GRM7: variants seen among roughly 807,000 people sequenced by gnomAD.
GRM7 encodes the protein metabotropic glutamate receptor 7.
GRM7 carries 35 observed loss-of-function variants against 84.5 expected under a neutral mutation model. The observed-to-expected ratio is 0.41, with a 90% CI of 0.32 to 0.55. The LOEUF (loss-of-function observed/expected upper bound fraction) is 0.55. Ranked by LOEUF, GRM7 falls within the 20% of genes least tolerant of loss-of-function variation. The pLI, the probability that GRM7 is intolerant of heterozygous loss-of-function variation, is 0.19. For missense variants in GRM7, 1,003 were observed against 1,194.6 expected (o/e 0.84, Z 2.36); for synonymous variants, 487 against 455.1 (o/e 1.07, Z -0.89).
chr3:7,438,861 A>G (rs1697167467), intron 5 of GRM7, among the ~76,000 whole-genome samples: 1 of 152,108 alleles, frequency 6.6e-6, no homozygotes, highest in Non-Finnish European at 1.5e-5. Context: ...GCTGCCACAT[A>G]TTTATGTGAG....
intron 4 of GRM7, among the ~76,000 whole-genome samples, chr3:7,328,786 C>T (rs1015663169): frequency 1.5e-5 from 2 of 135,018 alleles, no homozygotes; most frequent in Non-Finnish European, 3.2e-5. Context: ...ACTATAAACC[C>T]CTCACAGGTG....
At chr3:7,333,235 C>A (rs1371190559) in intron 4 of GRM7, among the ~76,000 whole-genome samples, 1 of 152,188 alleles carries the variant, frequency 6.6e-6, no homozygotes, top group African/African-American at 2.4e-5. Context: ...CCAAAGACTC[C>A]CACAGAGTCC....
intron 2 of GRM7, among the ~76,000 whole-genome samples, chr3:7,248,281 A>G (rs1356261795): frequency 6.6e-6 from 1 of 152,208 alleles, no homozygotes; most frequent in Non-Finnish European, 1.5e-5. Flanking sequence ...ATACTACTCA[A>G]CAGTAGAAAG....
At chr3:7,662,654 A>C (rs1342305548) in intron 8 of GRM7, among the ~76,000 whole-genome samples, 2 of 152,214 alleles carry the variant, frequency 1.3e-5, no homozygotes, top group East Asian at 3.8e-4. Flanking sequence ...TACAGAAATA[A>C]AGTGCGAAGT....
intron 2 of GRM7, among the ~76,000 whole-genome samples, chr3:7,218,925 C>A (rs575829714): frequency 6.6e-6 from 1 of 151,934 alleles, no homozygotes. Context: ...TTTAAATATG[C>A]ATTTTTCAAA....
intron 9 of GRM7, among the ~76,000 whole-genome samples, chr3:7,703,502 G>T (rs1701294164): frequency 6.6e-6 from 1 of 151,934 alleles, no homozygotes; most frequent in Non-Finnish European, 1.5e-5. Flanking sequence ...TCTAGAGATG[G>T]CTCTGCCACT....
At chr3:6,888,906 T>C (rs1361646051) in intron 1 of GRM7, among the ~76,000 whole-genome samples, 1 of 152,180 alleles carries the variant, frequency 6.6e-6, no homozygotes, top group African/African-American at 2.4e-5. Flanking sequence ...CTTTATTTCA[T>C]TGAGCAGTGG....
intron 8 of GRM7, among the ~76,000 whole-genome samples, chr3:7,649,224 C>G (rs1479266084): frequency 6.6e-6 from 1 of 152,002 alleles, no homozygotes; most frequent in African/African-American, 2.4e-5. Flanking sequence ...CACCCACTAC[C>G]ACGCCCGGCT....
intron 4 of GRM7, among the ~76,000 whole-genome samples, chr3:7,379,005 C>CTT (rs1694474593): frequency 6.6e-6 from 1 of 152,096 alleles, no homozygotes; most frequent in Non-Finnish European, 1.5e-5. Flanking sequence ...CTAGAAAATA[C>CTT]CTTTATAACG....
chr3:7,529,074 G>T (rs1274049581), intron 7 of GRM7, among the ~76,000 whole-genome samples: 1 of 151,956 alleles, frequency 6.6e-6, no homozygotes, highest in Non-Finnish European at 1.5e-5. Context: ...TTAGTTTTCT[G>T]CCTTGATCTG....
intron 1 of GRM7, among the ~76,000 whole-genome samples, chr3:6,938,388 C>T (rs537808839): frequency 1.3e-5 from 2 of 152,284 alleles, no homozygotes; most frequent in Admixed American, 1.3e-4. Flanking sequence ...TAGTGTCTTC[C>T]AGTCCAGCTG....
chr3:7,214,809 G>T lies in GRM7; in HGVS notation c.736+68141G>T, dbSNP rs1015369111. ...TAATCTTGGGTTTGTTTTTTTTGTT[G>T]TTGGCCTCATTATCTGAGCATGGTT... On this transcript the variant is annotated intron_variant, in intron 2 of 9. Transcript: ENST00000357716. Among the ~76,000 whole-genome samples, 3 of 151,966 alleles carry T rather than the reference G, an allele frequency of 2.0e-5. No individual in the cohort carries two copies. In the East Asian group the frequency reaches 5.8e-4, roughly 29 times the overall value.
intron 9 of GRM7, among the ~76,000 whole-genome samples, chr3:7,726,189 A>G (rs1313062601): frequency 2.0e-5 from 3 of 152,086 alleles, no homozygotes; most frequent in Non-Finnish European, 2.9e-5. Context: ...ATTGCGTAGG[A>G]GAGTCACCCC....
chr3:7,505,758 G>A (rs1364874697), intron 7 of GRM7, among the ~76,000 whole-genome samples: 1 of 152,186 alleles, frequency 6.6e-6, no homozygotes, highest in Non-Finnish European at 1.5e-5. Context: ...ACCTGAGGTG[G>A]CCCTTGCCAG....
intron 9 of GRM7, among the ~76,000 whole-genome samples, chr3:7,727,829 C>A (rs921566095): frequency 1.1e-4 from 16 of 152,160 alleles, no homozygotes; most frequent in African/African-American, 3.9e-4. Context: ...TAGGTCCCAA[C>A]CTTTCCATCT....
intron 5 of GRM7, among the ~76,000 whole-genome samples, chr3:7,444,384 G>A (rs1386887404): frequency 6.6e-6 from 1 of 152,180 alleles, no homozygotes; most frequent in Non-Finnish European, 1.5e-5. Context: ...GCTTAAGAAA[G>A]CTTAGGAGAA....
intron 4 of GRM7, among the ~76,000 whole-genome samples, chr3:7,314,384 A>C (rs1222478909): frequency 2.0e-5 from 3 of 151,100 alleles, no homozygotes; most frequent in Non-Finnish European, 4.4e-5. Context: ...ATATATTGCA[A>C]AGTTATAAGT....
intron 4 of GRM7, among the ~76,000 whole-genome samples, chr3:7,365,901 T>C (rs946098959): frequency 1.1e-4 from 16 of 151,512 alleles, no homozygotes; most frequent in African/African-American, 3.9e-4. Context: ...CAAAGCAGAT[T>C]AATATTTAAT....
intron 1 of GRM7, among the ~76,000 whole-genome samples, chr3:7,104,787 A>G (rs918527780): frequency 1.6e-4 from 25 of 151,864 alleles, no homozygotes; most frequent in African/African-American, 5.8e-4. Context: ...TTACAGAGAA[A>G]ACTTCTCAGG....
Sources: gnomAD v4.1 joint callset for allele counts (sites outside exome capture counted in the v4.1 genomes callset) on GRCh38, gnomAD v4.1.1 for gene constraint, MANE v1.5 for transcripts, NCBI Gene and HGNC (gene_info 2026-07-23, HGNC 2026-07-21) for gene names.